TYR: variants seen among roughly 807,000 people sequenced by gnomAD.
TYR encodes tyrosinase, also known as LB24-AB.
In TYR, 58 loss-of-function variants were observed where a neutral mutation model predicts 51.5. The observed-to-expected ratio is 1.13, with a 90% CI of 0.91 to 1.40. TYR has a LOEUF of 1.40. TYR is among the 40% of genes most tolerant of loss of function. The pLI, the probability that TYR is intolerant of heterozygous loss-of-function variation, is 0.00. For missense variants in TYR, 732 were observed against 647.4 expected, an observed-to-expected ratio of 1.13 and a Z score of -1.42; for synonymous variants, 263 against 235.2, an observed-to-expected ratio of 1.12 and a Z score of -1.08.
chr11:89,197,268 G>A (rs1371119029), intron 2 of TYR, among the ~76,000 whole-genome samples: 6 of 152,108 alleles, frequency 3.9e-5, no homozygotes, highest in Non-Finnish European at 7.4e-5. Flanking sequence ...AAAAATCCGT[G>A]TATACCAGTG....
chr11:89,220,347 T>C (rs1943892775), intron 2 of TYR, among the ~76,000 whole-genome samples: 1 of 152,122 alleles, frequency 6.6e-6, no homozygotes, highest in South Asian at 2.1e-4. Context: ...TTGCGAGAAC[T>C]CACTCACTAT....
At chr11:89,224,377 A>C (rs905881625) in intron 2 of TYR, among the ~76,000 whole-genome samples, 2 of 152,134 alleles carry the variant, frequency 1.3e-5, no homozygotes, top group African/African-American at 4.8e-5. Context: ...TTGAAGCCCA[A>C]AAAATATAAA....
At chr11:89,206,248 G>A (rs1591153582) in intron 2 of TYR, among the ~76,000 whole-genome samples, 1 of 152,144 alleles carries the variant, frequency 6.6e-6, no homozygotes, top group South Asian at 2.1e-4. Context: ...CCTATATTGA[G>A]CCTAGAGGAA....
chr11:89,233,225 C>G (rs947268132), intron 3 of TYR, among the ~76,000 whole-genome samples: 7 of 142,392 alleles, frequency 4.9e-5, no homozygotes, highest in Non-Finnish European at 1.1e-4. Flanking sequence ...CTTTTTTTAA[C>G]CATAAAAATC....
At chr11:89,281,090 T>G (rs1274193171) in intron 3 of TYR, among the ~76,000 whole-genome samples, 2 of 151,864 alleles carry the variant, frequency 1.3e-5, no homozygotes, top group East Asian at 3.9e-4. Context: ...AGTAGGCCAG[T>G]GCATTGGGGC....
chr11:89,239,486 TTG>T (rs1306424845), intron 3 of TYR, among the ~76,000 whole-genome samples: 2 of 152,090 alleles, frequency 1.3e-5, no homozygotes, highest in Non-Finnish European at 2.9e-5. Context: ...TATGTCAATT[TTG>T]TTTACCTTGT....
rs1269193796 is a variant in TYR at position 89,233,734 on chromosome 11, T to G, written c.1184+5764T>G. Among the ~76,000 whole-genome samples the G allele has an allele frequency of 1.4e-5, 2 of 142,778 alleles. 1 individual carries two copies. The highest frequency in any genetic ancestry group is 5.6e-5 in the African/African-American group (2 of 36,032). 93.7% of individuals were successfully genotyped at this position (142,778 alleles called of 152,430 possible). On this transcript the variant is annotated intron_variant, in intron 3 of 4. Transcript: ENST00000263321. Reference sequence around the variant, plus strand: ...ATGAGCAGTAATATTTTGAATGGAATTGTTTTTCCAGGGAGTTGGTCTCAG... The same window carrying G: ...ATGAGCAGTAATATTTTGAATGGAAGTGTTTTTCCAGGGAGTTGGTCTCAG...
At chr11:89,280,886 A>C (rs567340832) in intron 3 of TYR, among the ~76,000 whole-genome samples, 1 of 151,652 alleles carries the variant, frequency 6.6e-6, no homozygotes, top group African/African-American at 2.4e-5. Context: ...AGAGGCCTCA[A>C]GTTTCTCTAG....
intron 3 of TYR, among the ~76,000 whole-genome samples, chr11:89,274,671 T>C (rs1477296441): frequency 6.6e-6 from 1 of 151,816 alleles, no homozygotes; most frequent in Non-Finnish European, 1.5e-5. Context: ...TTGAAACAAG[T>C]TTTCTTATGA....
rs1943996792 is a variant in TYR, at chr11:89,227,862, A to G, written c.1076A>G (p.Gln359Arg). Reference protein sequence around the residue: ...SPLTGIADASQSSMHNALHIY... With the variant: ...SPLTGIADASRSSMHNALHIY... ...CTTACTGGGATAGCGGATGCCTCTC[A>G]AAGCAGCATGCACAATGCCTTGCAC... Residue 359 changes from glutamine (Q) to arginine (R), a missense_variant, in exon 3 of 5, where the codon CAA becomes CGA. Gln to Arg is a conservative substitution (Grantham distance 43). Coordinates refer to ENST00000263321, the MANE Select transcript of TYR (RefSeq NM_000372.5). 6.2e-7 allele frequency: 1 copy of G among 1,613,504 alleles called. No homozygotes were observed. The highest frequency in any genetic ancestry group is 1.7e-5 in the Admixed American group (1 of 59,918).
intron 2 of TYR, among the ~76,000 whole-genome samples, chr11:89,207,092 A>C (rs1397675454): frequency 6.6e-6 from 1 of 152,026 alleles, no homozygotes; most frequent in African/African-American, 2.4e-5. Context: ...AAATAAAACC[A>C]AAGCACAGAG....
intron 2 of TYR, among the ~76,000 whole-genome samples, chr11:89,210,267 G>A (rs544877368): frequency 6.6e-6 from 1 of 152,194 alleles, no homozygotes; most frequent in African/African-American, 2.4e-5. Context: ...GTGTAGAGAA[G>A]AGCTTAAATG....
intron 3 of TYR, among the ~76,000 whole-genome samples, chr11:89,228,411 GC>G (rs1313331162): frequency 2.0e-5 from 3 of 152,114 alleles, no homozygotes; most frequent in African/African-American, 7.2e-5. Flanking sequence ...AGGCTTTGTG[GC>G]CCCAGTACCC....
intron 2 of TYR, among the ~76,000 whole-genome samples, chr11:89,215,606 A>G (rs1049246011): frequency 1.3e-5 from 2 of 152,298 alleles, no homozygotes; most frequent in East Asian, 3.9e-4. Flanking sequence ...GAGTCTAAGC[A>G]ATCCATTAAA....
Position 89,191,284 on chromosome 11 carries a change from C to G in TYR, c.902C>G (p.Pro301Arg). 6.2e-7 allele frequency: 1 copy of G among 1,613,668 alleles called. No homozygotes were observed. Among genetic ancestry groups the G allele is most frequent in the Middle Eastern group, 1.7e-4 (1 of 6,058 alleles). ...CCCGAGGGACCTTTACGGCGTAATCCTGGAAACCATGACAAATCCAGAACC... is the reference window on the plus strand; with the variant it reads ...CCCGAGGGACCTTTACGGCGTAATCGTGGAAACCATGACAAATCCAGAACC... ...GTPEGPLRRN[P>R]GNHDKSRTPR... The change falls in exon 2 of 5, where the codon CCT (proline) becomes CGT (arginine). Residue 301 changes from proline to arginine, a missense_variant. Transcript: ENST00000263321.
intron 3 of TYR, among the ~76,000 whole-genome samples, chr11:89,242,569 T>C (rs1255009876): frequency 2.0e-5 from 3 of 152,126 alleles, no homozygotes; most frequent in Non-Finnish European, 4.4e-5. Context: ...GTGAAGGTGG[T>C]CATTTGGATC....
chr11:89,283,054 CCT>C (rs1944737759), intron 3 of TYR, among the ~76,000 whole-genome samples: 1 of 151,794 alleles, frequency 6.6e-6, no homozygotes, highest in South Asian at 2.1e-4. Flanking sequence ...ACAAATCTTC[CCT>C]GTCTCAACCT....
intron 2 of TYR, among the ~76,000 whole-genome samples, chr11:89,201,423 C>T (rs560252432): frequency 3.3e-4 from 50 of 151,982 alleles, no homozygotes; most frequent in African/African-American, 9.6e-4. Context: ...TTTCCCTAGA[C>T]GAACATATTT....
At chr11:89,236,078 G>A (rs1034528686) in intron 3 of TYR, among the ~76,000 whole-genome samples, 1 of 151,950 alleles carries the variant, frequency 6.6e-6, no homozygotes, top group African/African-American at 2.4e-5. Flanking sequence ...TTTACATATT[G>A]TCAATGGATG....
Sources: allele counts gnomAD v4.1 joint callset (sites outside exome capture counted in the v4.1 genomes callset), GRCh38; gene constraint gnomAD v4.1.1; transcripts MANE v1.5; gene names NCBI Gene and HGNC (gene_info 2026-07-23, HGNC 2026-07-21).